NHLRC2: variants seen among roughly 807,000 people sequenced by gnomAD.
NHLRC2 encodes the protein NHL repeat-containing protein 2.
NHLRC2 carries 33 observed loss-of-function variants against 68.1 expected under a neutral mutation model. The ratio of observed to expected loss-of-function variants is 0.48; its 90% CI spans 0.37 to 0.65. The LOEUF is 0.65. Ranked by LOEUF, NHLRC2 falls within the 30% of genes least tolerant of loss-of-function variation. The probability of loss-of-function intolerance (pLI) is 0.00; values close to 1 mark genes in which losing one functional copy is unlikely to be tolerated. For missense variants in NHLRC2, 761 were observed against 853.8 expected (o/e 0.89, Z 1.35); for synonymous variants, 311 against 309.6 (o/e 1.00, Z -0.05).
intron 2 of NHLRC2, among the ~76,000 whole-genome samples, chr10:113,875,561 G>T (rs554851510): frequency 3.9e-5 from 6 of 152,256 alleles, no homozygotes; most frequent in African/African-American, 1.2e-4. Context: ...GATTGGAAAA[G>T]AAAATAAAAT....
chr10:113,861,442 A>G (rs1019038201), intron 2 of NHLRC2, among the ~76,000 whole-genome samples: 1 of 152,214 alleles, frequency 6.6e-6, no homozygotes, highest in African/African-American at 2.4e-5. Context: ...CATACAAGGA[A>G]TCTTCAATAA....
intron 2 of NHLRC2, among the ~76,000 whole-genome samples, chr10:113,870,978 C>T (rs79113859): frequency 0.017 from 2,431 of 140,886 alleles, 63 homozygotes; most frequent in African/African-American, 0.058. Context: ...ATAAAGGCTA[C>T]TGATTTCCAT....
At chr10:113,897,191 A>C (rs1227700411) in intron 5 of NHLRC2, among the ~76,000 whole-genome samples, 4 of 152,112 alleles carry the variant, frequency 2.6e-5, no homozygotes, top group Admixed American at 6.6e-5. Context: ...CAGGAACATA[A>C]AAGTCATTTT....
intron 5 of NHLRC2, among the ~76,000 whole-genome samples, chr10:113,886,744 CACA>C (rs1419315755): frequency 1.3e-5 from 2 of 152,094 alleles, no homozygotes; most frequent in Non-Finnish European, 2.9e-5. Flanking sequence ...ATTAAAGACT[CACA>C]AGGCCTGAAA....
intron 10 of NHLRC2, among the ~76,000 whole-genome samples, chr10:113,907,043 G>A (rs1846282673): frequency 6.6e-6 from 1 of 152,228 alleles, no homozygotes; most frequent in East Asian, 1.9e-4. Flanking sequence ...GCAAAATCAT[G>A]CATTAGATAA....
intron 10 of NHLRC2, among the ~76,000 whole-genome samples, chr10:113,906,002 A>T (rs1189705488): frequency 6.6e-6 from 1 of 152,180 alleles, no homozygotes; most frequent in Non-Finnish European, 1.5e-5. Flanking sequence ...CTTGCTTTGT[A>T]GACAGAAGAA....
chr10:113,916,467 C>T lies in NHLRC2; in HGVS notation c.*7931C>T, dbSNP rs1374719247. 4 of 152,060 alleles carry T rather than the reference C, an allele frequency of 2.6e-5. No individual in the cohort carries two copies. The highest frequency in any genetic ancestry group is 6.5e-5 in the Admixed American group (1 of 15,272). The allele number at this position is 152,060 out of a possible 1,614,324, so 9.4% of individuals were successfully genotyped here. ...CAGTTTTTAAAGGAGGGGAACAATACCCCATGAGTTCAAATTAATTTTCTC... is the reference window on the plus strand; with the variant it reads ...CAGTTTTTAAAGGAGGGGAACAATATCCCATGAGTTCAAATTAATTTTCTC... On this transcript the variant is annotated 3_prime_UTR_variant, in exon 11 of 11. Coordinates refer to ENST00000369301, the MANE Select transcript of NHLRC2 (RefSeq NM_198514.4).
chr10:113,870,604 G>A (rs1411957666), intron 2 of NHLRC2, among the ~76,000 whole-genome samples: 1 of 152,148 alleles, frequency 6.6e-6, no homozygotes, highest in African/African-American at 2.4e-5. Context: ...AAATAATCTT[G>A]TAGATATGCT....
rs769905965 is a variant in NHLRC2 at position 113,864,955 on chromosome 10, GT to G, written c.331+6287del. On this transcript the variant is annotated intron_variant, in intron 2 of 10. Coordinates refer to ENST00000369301, the MANE Select transcript of NHLRC2 (RefSeq NM_198514.4). ...AATGCTACAAATCAGAGGTTTTTTG[GT>G]TTTTTTTTTTTGAGACAGAGTCTTG... Among the ~76,000 whole-genome samples the G allele has an allele frequency of 7.8e-4, 112 of 143,228 alleles. 1 individual carries two copies. The highest frequency in any genetic ancestry group is 2.4e-3 in the Admixed American group (34 of 14,400). The allele number at this position is 143,228 out of a possible 152,430, so 94.0% of individuals were successfully genotyped here.
intron 6 of NHLRC2, among the ~76,000 whole-genome samples, chr10:113,899,059 T>G (rs577060830): frequency 6.6e-6 from 1 of 152,244 alleles, no homozygotes; most frequent in East Asian, 1.9e-4. Flanking sequence ...CTCTGTGACC[T>G]CACTGTACCT....
At chr10:113,863,895 T>G (rs1845838685) in intron 2 of NHLRC2, among the ~76,000 whole-genome samples, 2 of 152,182 alleles carry the variant, frequency 1.3e-5, no homozygotes, top group Admixed American at 6.6e-5. Flanking sequence ...AAACAAAACC[T>G]ACTAAGACTA....
chr10:113,904,892 C>T lies in NHLRC2; in HGVS notation c.1780C>T (p.Leu594=), dbSNP rs759012001. The change falls in exon 10 of 11, where the codon CTA becomes TTA. Residue 594 remains leucine (L), a synonymous_variant. Transcript: ENST00000369301. ...AGAAAAACAGAAGACATTACCCAAA[C>T]TACCTAAATCTGCTCCAAGCATTAG... The part of the protein sequence containing the change: ...LVEKQKTLPK[L]PKSAPSIRLS... 1 of 1,611,884 alleles carries T rather than the reference C, an allele frequency of 6.2e-7. No individual in the cohort carries two copies. The highest frequency in any genetic ancestry group is 1.1e-5 in the South Asian group (1 of 90,554).
At position 113,912,822 on chromosome 10, in the gene NHLRC2, A is replaced by G. The variant is rs940026842; in HGVS notation, c.*4286A>G. ...GCCTGAAGTGGTGCCTGGCGCCAGC[A>G]GATGTTCACTTCTGTCAAACAAGGG... On this transcript the variant is annotated 3_prime_UTR_variant, in exon 11 of 11. Coordinates refer to ENST00000369301, the MANE Select transcript of NHLRC2 (RefSeq NM_198514.4). The G allele has an allele frequency of 4.6e-5, 7 of 152,340 alleles. No individual in the cohort carries two copies. Among genetic ancestry groups the G allele is most frequent in the Admixed American group, 6.5e-5 (1 of 15,302 alleles). 9.4% of individuals were successfully genotyped at this position (152,340 alleles called of 1,614,324 possible). A position where few individuals can be genotyped will look rare whatever the true frequency, so the allele number is the denominator to read the frequency against.
Position 113,912,105 on chromosome 10 carries a change from C to G in NHLRC2, c.*3569C>G, listed in dbSNP as rs967448735. On this transcript the variant is annotated 3_prime_UTR_variant, in exon 11 of 11. Transcript: ENST00000369301. ...TAGCAATGGTTATGGCTTTTTTGTT[C>G]TGTTATTTTTATTGTGTAACGTAGT... is the stretch of plus-strand genomic sequence containing the variant. 6.6e-6 allele frequency: 1 copy of G among 151,832 alleles called. No homozygotes were observed. Among genetic ancestry groups the G allele is most frequent in the Admixed American group, 6.6e-5 (1 of 15,236 alleles). The allele number at this position is 151,832 out of a possible 1,614,324, so 9.4% of individuals were successfully genotyped here.
intron 2 of NHLRC2, among the ~76,000 whole-genome samples, chr10:113,872,559 C>T (rs1433630408): frequency 6.6e-6 from 1 of 151,180 alleles, no homozygotes; most frequent in Non-Finnish European, 1.5e-5. Flanking sequence ...AAAAAAACAG[C>T]TTGAATCAGA....
In NHLRC2 at chr10:113,911,509, AG is replaced by A. The variant is rs1846328830; in HGVS notation, c.*2975del. On this transcript the variant is annotated 3_prime_UTR_variant, in exon 11 of 11. Transcript: ENST00000369301. ...AAATTTACTATGTGTATATTTATAT[AG>A]GTGTGTGTATACACAAAGATTAAGA... is the stretch of plus-strand genomic sequence containing the variant. 6.6e-6 allele frequency: 1 copy of A among 152,160 alleles called. No homozygotes were observed. Among genetic ancestry groups the A allele is most frequent in the South Asian group, 2.1e-4 (1 of 4,836 alleles). The allele number at this position is 152,160 out of a possible 1,614,324, so 9.4% of individuals were successfully genotyped here. A position where few individuals can be genotyped will look rare whatever the true frequency, so the allele number is the denominator to read the frequency against.
Position 113,876,816 on chromosome 10 carries a change from T to C in NHLRC2, c.627T>C (p.Ile209=), listed in dbSNP as rs771441601. Residue 209 remains isoleucine, a synonymous_variant, in exon 3 of 11, where the codon ATT becomes ATC. Coordinates refer to ENST00000369301, the MANE Select transcript of NHLRC2 (RefSeq NM_198514.4). ...KDRGQIRDNK[I]GIKLYKDSLP... ...GGGGGCAGATCAGAGATAATAAAATTGGAATAAAACTCTATAAAGATTCTT... is the reference window on the plus strand; with the variant it reads ...GGGGGCAGATCAGAGATAATAAAATCGGAATAAAACTCTATAAAGATTCTT... 1 of 1,613,052 alleles carries C rather than the reference T, an allele frequency of 6.2e-7. No homozygotes were observed. Among genetic ancestry groups the C allele is most frequent in the South Asian group, 1.1e-5 (1 of 91,050 alleles).
intron 2 of NHLRC2, among the ~76,000 whole-genome samples, chr10:113,873,222 G>T (rs956052436): frequency 6.6e-6 from 1 of 152,112 alleles, no homozygotes; most frequent in African/African-American, 2.4e-5. Flanking sequence ...AAAACAGTTT[G>T]AATGTCCCAA....
intron 2 of NHLRC2, among the ~76,000 whole-genome samples, chr10:113,867,237 C>A (rs1184288674): frequency 6.6e-6 from 1 of 152,242 alleles, no homozygotes. Flanking sequence ...ATCTTGTTTG[C>A]ACACCTTTTA....
Sources: gnomAD v4.1 joint callset for allele counts (sites outside exome capture counted in the v4.1 genomes callset) on GRCh38, gnomAD v4.1.1 for gene constraint, MANE v1.5 for transcripts, NCBI Gene and HGNC (gene_info 2026-07-23, HGNC 2026-07-21) for gene names.